DPP6: variants seen among roughly 807,000 people sequenced by gnomAD.
DPP6 encodes A-type potassium channel modulatory protein DPP6.
A neutral mutation model predicts 122.6 loss-of-function variants in DPP6; 69 were observed. That is an observed-to-expected ratio of 0.56 (90% CI 0.46 to 0.69). The LOEUF (loss-of-function observed/expected upper bound fraction) is 0.69. Ranked by LOEUF, DPP6 falls within the 30% of genes least tolerant of loss-of-function variation. The pLI, the probability that DPP6 is intolerant of heterozygous loss-of-function variation, is 0.00. For synonymous variants in DPP6, 418 were observed against 433.1 expected (o/e 0.97, Z 0.43); for missense variants, 928 against 1,116.9 (o/e 0.83, Z 2.41).
chr7:154,620,053 G>A (rs921316798), intron 5 of DPP6, among the ~76,000 whole-genome samples: 2 of 152,204 alleles, frequency 1.3e-5, no homozygotes, highest in African/African-American at 4.8e-5. Context: ...TCACAAGCAC[G>A]TTGAATGATT....
chr7:154,262,779 T>C lies in DPP6; in HGVS notation c.244-183435T>C, dbSNP rs111357109. Among the ~76,000 whole-genome samples the C allele has an allele frequency of 2.4e-3, 360 of 152,306 alleles. 2 individuals are homozygous for C. Among genetic ancestry groups the C allele is most frequent in the African/African-American group, 8.2e-3 (340 of 41,560 alleles). On this transcript the variant is annotated intron_variant, in intron 1 of 25. Transcript: ENST00000377770. ...GGCAATAATGCAGCTTCTCTGATTT[T>C]GTACTAAATACGTTTTAGTAATTTT...
the DPP6 span, among the ~76,000 whole-genome samples, chr7:153,779,197 C>A: frequency 6.8e-6 from 1 of 147,186 alleles, no homozygotes; most frequent in Admixed American, 6.7e-5. Flanking sequence ...AACTAGGGTA[C>A]CTTGGGGAAG....
Position 154,637,881 on chromosome 7 carries a change from T to G in DPP6, c.680+8T>G. The G allele has an allele frequency of 6.4e-7, 1 of 1,566,458 alleles. No homozygotes were observed. The highest frequency in any genetic ancestry group is 8.7e-7 in the Non-Finnish European group (1 of 1,153,790). On this transcript the variant is annotated splice_region_variant and intron_variant, in intron 6 of 25. Coordinates refer to ENST00000377770, the MANE Select transcript of DPP6 (RefSeq NM_130797.4). ...GAGCAAAATTCCTCATGGGTAAGAG[T>G]GTTCTTTTCTTTCTTTTAATTAGAA...
rs1423968461 is a variant in DPP6 at position 154,575,395 on chromosome 7, GTGTGTGTGTGGTGTTTGTGTA to G, written c.627+8494_627+8514del. Among the ~76,000 whole-genome samples, 78 of 87,486 alleles carry G rather than the reference GTGTGTGTGTGGTGTTTGTGTA, an allele frequency of 8.9e-4. 1 individual carries two copies. Among genetic ancestry groups the G allele is most frequent in the Non-Finnish European group, 7.3e-4 (35 of 47,686 alleles). The allele number at this position is 87,486 out of a possible 152,430, so 57.4% of individuals were successfully genotyped here. A position where few individuals can be genotyped will look rare whatever the true frequency, so the allele number is the denominator to read the frequency against. The stretch of plus-strand genomic sequence containing the variant: ...TGTGTATGTGTGTGATGTGTGTGTA[GTGTGTGTGTGGTGTTTGTGTA>G]TGTGTGTGTGGTGTGTATGTGTGTG... On this transcript the variant is annotated intron_variant, in intron 5 of 25. Coordinates refer to ENST00000377770, the MANE Select transcript of DPP6 (RefSeq NM_130797.4).
intron 3 of DPP6, among the ~76,000 whole-genome samples, chr7:154,484,783 CTG>C (rs1362380558): frequency 6.6e-6 from 1 of 152,166 alleles, no homozygotes; most frequent in African/African-American, 2.4e-5. Context: ...ACTAGAGAGA[CTG>C]TAAAATTGAA....
chr7:154,145,607 C>T (rs1294408581), intron 1 of DPP6, among the ~76,000 whole-genome samples: 9 of 138,592 alleles, frequency 6.5e-5, no homozygotes, highest in African/African-American at 1.6e-4. Flanking sequence ...TACATCCCTG[C>T]GGAGCAAGGA....
the DPP6 span, among the ~76,000 whole-genome samples, chr7:153,826,187 G>A: frequency 6.6e-6 from 1 of 152,320 alleles, no homozygotes; most frequent in East Asian, 1.9e-4. Context: ...GCTTCAGAGA[G>A]TGTGTGGGAT....
intron 1 of DPP6, among the ~76,000 whole-genome samples, chr7:153,910,459 T>TCCTTTTCCTGGCTGCCTCTCC (rs959912660): frequency 2.6e-5 from 4 of 152,068 alleles, no homozygotes; most frequent in African/African-American, 9.7e-5. Flanking sequence ...GCTGCTTATT[T>TCCTTTTCCTGGCTGCCTCTCC]CCTTTTCCTG....
At chr7:154,670,163 GC>G (rs917055678) in intron 7 of DPP6, among the ~76,000 whole-genome samples, 7 of 114,778 alleles carry the variant, frequency 6.1e-5, no homozygotes, top group African/African-American at 1.2e-4. Flanking sequence ...CCCAGCCTCT[GC>G]GGAGGGTTTT....
intron 3 of DPP6, among the ~76,000 whole-genome samples, chr7:154,535,386 ATTT>A (rs34372202): frequency 1.1e-4 from 17 of 149,998 alleles, no homozygotes; most frequent in South Asian, 4.2e-4. Flanking sequence ...TTCACTTTAG[ATTT>A]TTTTTTTTTA....
intron 17 of DPP6, among the ~76,000 whole-genome samples, chr7:154,859,050 G>C (rs975680515): frequency 2.0e-5 from 3 of 152,160 alleles, no homozygotes; most frequent in African/African-American, 4.8e-5. Context: ...TCTGACAAGG[G>C]GGGAAAGGCA....
the DPP6 span, among the ~76,000 whole-genome samples, chr7:153,807,431 A>AC: frequency 0.01 from 1,550 of 151,728 alleles, 20 homozygotes; most frequent in Admixed American, 0.016. Context: ...AAACAAACAA[A>AC]AAAAAAAACA....
chr7:154,742,819 G>A (rs1842873269), intron 8 of DPP6, among the ~76,000 whole-genome samples: 1 of 152,196 alleles, frequency 6.6e-6, no homozygotes, highest in African/African-American at 2.4e-5. Flanking sequence ...CAGCTGCCTT[G>A]GTGTTTAGGA....
At position 154,147,494 on chromosome 7, in the gene DPP6, CT is replaced by C. The variant is rs377558354; in HGVS notation, c.243+94436del. 6.4e-4 allele frequency among the ~76,000 whole-genome samples: 81 copies of C among 125,630 alleles called. 1 individual carries two copies. Among genetic ancestry groups the C allele is most frequent in the African/African-American group, 3.6e-3 (80 of 22,284 alleles). The allele number at this position is 125,630 out of a possible 152,430, so 82.4% of individuals were successfully genotyped here. ...CCTTCCTTCCTTCCTTCCTTCCTTT[CT>C]TTTTCTGTCGGAGTCTTACTCTCGC... On this transcript the variant is annotated intron_variant, in intron 1 of 25. Transcript: ENST00000377770.
At chr7:154,356,329 C>T (rs972852850) in intron 1 of DPP6, among the ~76,000 whole-genome samples, 2 of 152,178 alleles carry the variant, frequency 1.3e-5, no homozygotes, top group South Asian at 4.2e-4. Context: ...CAATGTTGAC[C>T]AAATAAATAC....
rs536598306 is a variant in DPP6 at position 154,159,261 on chromosome 7, C to T, written c.243+106198C>T. On this transcript the variant is annotated intron_variant, in intron 1 of 25. Transcript: ENST00000377770. ...TGGCGTTCATCCTCGCCAGGTACTT[C>T]GGTTCCTGTTTCTTCAGTTCCACCA... Among the ~76,000 whole-genome samples, 695 of 152,336 alleles carry T rather than the reference C, an allele frequency of 4.6e-3. 6 individuals are homozygous for T. Among genetic ancestry groups the T allele is most frequent in the Non-Finnish European group, 6.5e-3 (439 of 68,032 alleles).
At chr7:153,918,456 ACACACACACACTCTCTCT>A (rs1224909095) in intron 1 of DPP6, among the ~76,000 whole-genome samples, 5 of 104,368 alleles carry the variant, frequency 4.8e-5, no homozygotes, top group African/African-American at 1.6e-4. Context: ...ACACACACAC[ACACACACACACTCTCTCT>A]CTCTCTCTCT....
Position 154,680,426 on chromosome 7 carries a change from G to C in DPP6, c.762+10985G>C, listed in dbSNP as rs537038438. 3.3e-5 allele frequency among the ~76,000 whole-genome samples: 5 copies of C among 152,268 alleles called. No homozygotes were observed. The South Asian group carries it at 1.0e-3, about 32-fold the overall frequency. ...AAATGTCCTAAGTGTTGAGAGCTGAGCCATTTGCTAAATCATGGAGTATCC... is the reference window on the plus strand; with the variant it reads ...AAATGTCCTAAGTGTTGAGAGCTGACCCATTTGCTAAATCATGGAGTATCC... On this transcript the variant is annotated intron_variant, in intron 7 of 25. Transcript: ENST00000377770.
At chr7:153,899,633 A>G (rs1357298538) in intron 1 of DPP6, among the ~76,000 whole-genome samples, 1 of 152,238 alleles carries the variant, frequency 6.6e-6, no homozygotes, top group African/African-American at 2.4e-5. Context: ...GCTGCTTGCC[A>G]AACACAATAG....
Sources: allele counts gnomAD v4.1 joint callset (sites outside exome capture counted in the v4.1 genomes callset), GRCh38; gene constraint gnomAD v4.1.1; transcripts MANE v1.5; gene names NCBI Gene and HGNC (gene_info 2026-07-23, HGNC 2026-07-21).